Variants in PEBP4 observed in about 807,000 individuals in gnomAD.
The protein encoded by PEBP4 is phosphatidylethanolamine-binding protein 4.
PEBP4 carries 22 observed loss-of-function variants against 23.9 expected under a neutral mutation model. The observed-to-expected ratio is 0.92, with a 90% CI of 0.66 to 1.31. The LOEUF (loss-of-function observed/expected upper bound fraction) is 1.31, where lower values mean the gene tolerates loss of function less well. PEBP4 is among the 40% of genes most tolerant of loss of function. The pLI, the probability that PEBP4 is intolerant of heterozygous loss-of-function variation, is 0.00. For missense variants in PEBP4, 324 were observed against 281.7 expected (o/e 1.15, Z -1.07); for synonymous variants, 112 against 99.3 (o/e 1.13, Z -0.76).
intron 4 of PEBP4, among the ~76,000 whole-genome samples, chr8:22,740,692 C>T (rs558725892): frequency 6.6e-6 from 1 of 152,274 alleles, no homozygotes; most frequent in Admixed American, 6.5e-5. Flanking sequence ...GAGACCCCCT[C>T]CCCTGGGGCT....
intron 4 of PEBP4, among the ~76,000 whole-genome samples, chr8:22,776,820 C>A (rs887667535): frequency 6.7e-6 from 1 of 150,040 alleles, no homozygotes; most frequent in African/African-American, 2.5e-5. Flanking sequence ...CCCATGCCAG[C>A]TGACTCCTCC....
intron 4 of PEBP4, among the ~76,000 whole-genome samples, chr8:22,806,548 G>A (rs1447567477): frequency 2.0e-5 from 3 of 151,338 alleles, no homozygotes; most frequent in South Asian, 4.2e-4. Flanking sequence ...CCAGAAGGCG[G>A]AGGTTGCAAT....
intron 6 of PEBP4, among the ~76,000 whole-genome samples, chr8:22,719,718 T>A (rs1015662045): frequency 1.3e-5 from 2 of 152,122 alleles, no homozygotes; most frequent in Non-Finnish European, 2.9e-5. Flanking sequence ...CAGGCTTTGC[T>A]TTCCTCGTTT....
intron 4 of PEBP4, among the ~76,000 whole-genome samples, chr8:22,814,570 T>C (rs1461614894): frequency 6.6e-6 from 1 of 152,086 alleles, no homozygotes; most frequent in Non-Finnish European, 1.5e-5. Flanking sequence ...TACTGAAGGG[T>C]TCCTATGGCC....
At chr8:22,818,755 G>A (rs1244216371) in intron 3 of PEBP4, among the ~76,000 whole-genome samples, 3 of 152,198 alleles carry the variant, frequency 2.0e-5, no homozygotes, top group African/African-American at 7.2e-5. Flanking sequence ...AGCATGGGAA[G>A]GATGTTGGTA....
intron 6 of PEBP4, among the ~76,000 whole-genome samples, chr8:22,714,843 T>C (rs999971950): frequency 1.3e-5 from 2 of 152,152 alleles, no homozygotes; most frequent in African/African-American, 4.8e-5. Flanking sequence ...CTGCTGACAT[T>C]TCAAAGATGT....
chr8:22,850,695 C>T (rs1349888800), intron 3 of PEBP4, among the ~76,000 whole-genome samples: 4 of 152,152 alleles, frequency 2.6e-5, no homozygotes, highest in African/African-American at 9.7e-5. Context: ...ACTCATCCTT[C>T]CTCCCAACAT....
chr8:22,803,309 C>A (rs897037342), intron 4 of PEBP4, among the ~76,000 whole-genome samples: 1 of 152,168 alleles, frequency 6.6e-6, no homozygotes, highest in African/African-American at 2.4e-5. Flanking sequence ...ATCCCACAGC[C>A]AGGCCACCTG....
chr8:22,895,844 A>C (rs1808580098), intron 3 of PEBP4: 1 of 152,218 alleles, frequency 6.6e-6, no homozygotes, highest in Non-Finnish European at 1.5e-5. Context: ...CAGTAACCTG[A>C]CTAGTTTTCC....
chr8:22,837,251 C>T (rs144999529), intron 3 of PEBP4, among the ~76,000 whole-genome samples: 3,462 of 152,284 alleles, frequency 0.023, 58 homozygotes, highest in Non-Finnish European at 0.035. Flanking sequence ...AACCTCTCTT[C>T]CTATTCACTA....
intron 4 of PEBP4, among the ~76,000 whole-genome samples, chr8:22,790,951 C>A (rs976216994): frequency 1.3e-5 from 2 of 152,150 alleles, no homozygotes; most frequent in African/African-American, 4.8e-5. Context: ...CACACGATGA[C>A]CCCCCAGGGC....
intron 4 of PEBP4, among the ~76,000 whole-genome samples, chr8:22,766,974 A>G (rs35006514): frequency 2.0e-5 from 3 of 152,248 alleles, no homozygotes; most frequent in African/African-American, 7.2e-5. Context: ...GTGGGGGCTG[A>G]CAATACCATC....
chr8:22,924,897 G>T, intron 2 of PEBP4: 4 of 985,336 alleles, frequency 4.1e-6, no homozygotes, highest in Non-Finnish European at 4.8e-6. Context: ...CTCACAGCTT[G>T]TCACAGTACA....
rs76263346 is a variant in PEBP4, at chr8:22,875,451, T to C, written c.258+44733A>G. Among the ~76,000 whole-genome samples the C allele has an allele frequency of 5.2e-3, 794 of 152,286 alleles. 8 individuals carry two copies. Among genetic ancestry groups the C allele is most frequent in the African/African-American group, 0.018 (758 of 41,534 alleles). On this transcript the variant is annotated intron_variant, in intron 3 of 6. Transcript: ENST00000256404. ...TATTAAACCCAGTACCCAATTGTTATCTTTTCTGCTCTTCTCCCTCCTCCC... is the reference window on the plus strand; with the variant it reads ...TATTAAACCCAGTACCCAATTGTTACCTTTTCTGCTCTTCTCCCTCCTCCC...
rs181655651 is a variant in PEBP4, at chr8:22,922,017, G to A, written c.132-1707C>T. 2.0e-5 allele frequency among the ~76,000 whole-genome samples: 3 copies of A among 152,344 alleles called. No individual in the cohort carries two copies. The East Asian group carries it at 5.8e-4, about 29-fold the overall frequency. Reference sequence around the variant, plus strand: ...CTCCCCTTTTTATCAGAGTGGAATTGTTGTAAATATCAAAAGGATTAAACA... The same window carrying A: ...CTCCCCTTTTTATCAGAGTGGAATTATTGTAAATATCAAAAGGATTAAACA... On this transcript the variant is annotated intron_variant, in intron 2 of 6. Transcript: ENST00000256404.
intron 2 of PEBP4, chr8:22,924,642 A>G: frequency 1.0e-6 from 1 of 985,158 alleles, no homozygotes; most frequent in African/African-American, 1.7e-5. Flanking sequence ...TCAACACCAA[A>G]AAGCAGGACG....
Position 22,920,281 on chromosome 8 carries a change from C to T in PEBP4, c.161G>A (p.Gly54Glu). The T allele has an allele frequency of 1.2e-6, 2 of 1,613,534 alleles. No individual in the cohort carries two copies. Among genetic ancestry groups the T allele is most frequent in the South Asian group, 1.1e-5 (1 of 91,014 alleles). The change falls in exon 3 of 7, where the codon GGG becomes GAG. Residue 54 changes from glycine to glutamate, a missense_variant. Transcript: ENST00000256404. ...QGLEVFYPEL[G>E]NIGCKVVPDC... ...AGGAACAACCTTGCAGCCAATGTTC[C>T]CCAACTCTGGGTAGAAAACTTCAAG...
chr8:22,843,566 A>G (rs1018133853), intron 3 of PEBP4, among the ~76,000 whole-genome samples: 2 of 152,222 alleles, frequency 1.3e-5, no homozygotes, highest in Non-Finnish European at 2.9e-5. Flanking sequence ...ACGGTGCTCA[A>G]CCACCTGCTG....
chr8:22,859,115 C>T (rs1396527055), intron 3 of PEBP4, among the ~76,000 whole-genome samples: 1 of 152,208 alleles, frequency 6.6e-6, no homozygotes, highest in African/African-American at 2.4e-5. Flanking sequence ...CTCATTTCTA[C>T]TTTCAATAAG....
Sources: allele counts gnomAD v4.1 joint callset (sites outside exome capture counted in the v4.1 genomes callset), GRCh38; gene constraint gnomAD v4.1.1; transcripts MANE v1.5; gene names NCBI Gene and HGNC (gene_info 2026-07-23, HGNC 2026-07-21).